MYO16: variants seen among roughly 807,000 people sequenced by gnomAD.
MYO16 encodes the protein myosin XVI.
A neutral mutation model predicts 205.3 loss-of-function variants in MYO16; 94 were observed. The ratio of observed to expected loss-of-function variants is 0.46; its 90% confidence interval spans 0.39 to 0.54. The LOEUF is 0.54. Among genes scored for constraint, MYO16 ranks in the 20% least tolerant of loss-of-function variants. The pLI, the probability that MYO16 is intolerant of heterozygous loss-of-function variation, is 0.00. For missense variants in MYO16, 2,315 were observed against 2,387.5 expected (o/e 0.97, Z 0.63); for synonymous variants, 988 against 954.0 (o/e 1.04, Z -0.66).
chr13:108,687,277 T>C (rs1882717426), intron 2 of MYO16, among the ~76,000 whole-genome samples: 1 of 152,232 alleles, frequency 6.6e-6, no homozygotes, highest in Admixed American at 6.5e-5. Context: ...AGGGGTTTGA[T>C]AAATAACATT....
rs1221052871 is a variant in MYO16, at chr13:109,024,443, T to G, written c.2796+4532T>G. 4.6e-5 allele frequency among the ~76,000 whole-genome samples: 7 copies of G among 152,224 alleles called. No individual in the cohort carries two copies. In the East Asian group the frequency reaches 1.2e-3, roughly 25 times the overall value. On this transcript the variant is annotated intron_variant, in intron 23 of 34. Coordinates refer to ENST00000457511, the MANE Select transcript of MYO16 (RefSeq NM_001198950.3). ...CATTAAAGTCAGTGGAAATGTGCTT[T>G]GGAATAATAGTTTTTAAATCATTTT...
chr13:109,173,765 G>C (rs1369770630), intron 33 of MYO16, among the ~76,000 whole-genome samples: 1 of 151,420 alleles, frequency 6.6e-6, no homozygotes, highest in Non-Finnish European at 1.5e-5. Context: ...CGTGGTGGTG[G>C]GCGCCTGTAG....
At chr13:108,754,621 T>C (rs193111615) in intron 4 of MYO16, among the ~76,000 whole-genome samples, 2 of 152,290 alleles carry the variant, frequency 1.3e-5, no homozygotes, top group African/African-American at 4.8e-5. Context: ...TTGTGGCAAA[T>C]GGCAAAGATT....
At chr13:108,890,895 C>T in intron 14 of MYO16, among the ~76,000 whole-genome samples, 1 of 152,214 alleles carries the variant, frequency 6.6e-6, no homozygotes, top group East Asian at 1.9e-4. Context: ...TTACTCTCTG[C>T]TGAAGCCACC....
At chr13:108,724,635 G>A (rs949727294) in intron 3 of MYO16, among the ~76,000 whole-genome samples, 1 of 151,766 alleles carries the variant, frequency 6.6e-6, no homozygotes, top group African/African-American at 2.4e-5. Context: ...CTCTTTAGCG[G>A]TATTACGCAC....
At chr13:108,983,236 C>T (rs1224071348) in intron 20 of MYO16, among the ~76,000 whole-genome samples, 2 of 152,160 alleles carry the variant, frequency 1.3e-5, no homozygotes, top group African/African-American at 4.8e-5. Context: ...TCTCCATTCT[C>T]CTCTTTCTCT....
rs7337516 is a variant in MYO16, at chr13:108,937,554, T to G, written c.1926-20134T>G. The stretch of plus-strand genomic sequence containing the variant: ...ATAATCCCATATTTCTCAAAGGCGT[T>G]GCTCATTTTTTAAAATTCTTTTTTA... On this transcript the variant is annotated intron_variant, in intron 16 of 34. Transcript: ENST00000457511. Among the ~76,000 whole-genome samples the G allele has an allele frequency of 7.8e-3, 1,182 of 152,302 alleles. 15 individuals are homozygous for G. The highest frequency in any genetic ancestry group is 0.027 in the African/African-American group (1,141 of 41,552).
At chr13:108,815,294 T>G (rs9587698) in intron 7 of MYO16, among the ~76,000 whole-genome samples, 2,956 of 152,296 alleles carry the variant, frequency 0.019, 90 homozygotes, top group African/African-American at 0.068. Context: ...GTCAATATAT[T>G]ACAAGGCTAA....
chr13:108,931,535 G>C (rs1266040891), intron 16 of MYO16, among the ~76,000 whole-genome samples: 2 of 152,106 alleles, frequency 1.3e-5, no homozygotes, highest in African/African-American at 2.4e-5. Flanking sequence ...CTGAATGTCA[G>C]CATCCTCTGT....
At chr13:108,882,456 T>C (rs1164639068) in intron 12 of MYO16, among the ~76,000 whole-genome samples, 1 of 152,224 alleles carries the variant, frequency 6.6e-6, no homozygotes, top group Non-Finnish European at 1.5e-5. Context: ...AAAATAACTT[T>C]GATTTCTTCA....
intron 21 of MYO16, among the ~76,000 whole-genome samples, chr13:108,996,687 G>T (rs939530728): frequency 1.1e-4 from 17 of 152,132 alleles, no homozygotes; most frequent in African/African-American, 4.1e-4. Context: ...GAAGTCAGTT[G>T]GTGGCTGATG....
At position 108,665,088 on chromosome 13, in the gene MYO16, G is replaced by C. The variant is rs116955317; in HGVS notation, c.29-798G>C. ...TGTCCACTGTATCATATAAGGAGTT[G>C]ATAGCACATATATTCTCCTGTTTTC... On this transcript the variant is annotated intron_variant, in intron 1 of 34. Coordinates refer to ENST00000457511, the MANE Select transcript of MYO16 (RefSeq NM_001198950.3). Among the ~76,000 whole-genome samples, 162 of 152,146 alleles carry C rather than the reference G, an allele frequency of 1.1e-3. 3 individuals carry two copies. In the East Asian group the frequency reaches 0.029, roughly 28 times the overall value.
the MYO16 span, among the ~76,000 whole-genome samples, chr13:108,563,677 T>C: frequency 2.0e-5 from 3 of 152,230 alleles, no homozygotes; most frequent in East Asian, 5.8e-4. Context: ...GATTTCATTC[T>C]TATTTATGGC....
At chr13:109,028,417 G>A in intron 23 of MYO16, 1 of 317,764 alleles carries the variant, frequency 3.1e-6, no homozygotes, top group South Asian at 2.8e-5. Flanking sequence ...AGAATATTTG[G>A]GATGCTTTGT....
intron 11 of MYO16, 25 bp from the exon 12 acceptor site, chr13:108,866,152 A>G: frequency 1.3e-6 from 2 of 1,545,442 alleles, no homozygotes; most frequent in African/African-American, 1.4e-5. Context: ...TGACTCATGA[A>G]CTGTTTGCAT....
the MYO16 span, among the ~76,000 whole-genome samples, chr13:108,523,271 T>C: frequency 6.6e-6 from 1 of 152,162 alleles, no homozygotes; most frequent in Non-Finnish European, 1.5e-5. Context: ...AAGAGGAAAC[T>C]CAGATTTCTG....
At chr13:109,193,665 A>C (rs1880023181) in intron 34 of MYO16, among the ~76,000 whole-genome samples, 1 of 152,152 alleles carries the variant, frequency 6.6e-6, no homozygotes, top group Non-Finnish European at 1.5e-5. Context: ...TGGGGAAAGT[A>C]TCCTTCTACT....
At chr13:108,680,806 T>G (rs1159888646) in intron 2 of MYO16, among the ~76,000 whole-genome samples, 1 of 152,068 alleles carries the variant, frequency 6.6e-6, no homozygotes, top group Admixed American at 6.5e-5. Context: ...ATGGGAGAGG[T>G]TCAGGGCTTT....
intron 12 of MYO16, among the ~76,000 whole-genome samples, chr13:108,877,693 G>C (rs1387293098): frequency 6.6e-6 from 1 of 152,040 alleles, no homozygotes; most frequent in Non-Finnish European, 1.5e-5. Flanking sequence ...TTGTATTATA[G>C]TTCCATTTTT....
Sources: gnomAD v4.1 joint callset for allele counts (sites outside exome capture counted in the v4.1 genomes callset) on GRCh38, gnomAD v4.1.1 for gene constraint, MANE v1.5 for transcripts, NCBI Gene and HGNC (gene_info 2026-07-23, HGNC 2026-07-21) for gene names.